MRNIP: variants seen among roughly 807,000 people sequenced by gnomAD.
MRNIP encodes MRN complex interacting protein.
A neutral mutation model predicts 29.8 loss-of-function variants in MRNIP; 30 were observed. The ratio of observed to expected loss-of-function variants is 1.01; its 90% CI spans 0.75 to 1.36. MRNIP has a LOEUF of 1.36. Ranked by LOEUF, MRNIP falls within the 40% of genes most tolerant of loss-of-function variation. MRNIP has a pLI of 0.00. For synonymous variants in MRNIP, 201 were observed against 164.1 expected (o/e 1.23, Z -1.72); for missense variants, 459 against 423.5 (o/e 1.08, Z -0.74).
chr5:179,844,551 T>C lies in MRNIP; in HGVS notation c.216-324A>G, dbSNP rs753157308. The stretch of plus-strand genomic sequence containing the variant: ...GATCCTCCCACCTCAGCCTCCTGAG[T>C]ATCTGGGACCACAGGCACGCACCAC... On this transcript the variant is annotated intron_variant, in intron 3 of 6. Transcript: ENST00000292586. Among the ~76,000 whole-genome samples the C allele has an allele frequency of 2.2e-4, 33 of 152,042 alleles. 1 individual carries two copies. The highest frequency in any genetic ancestry group is 2.6e-4 in the Non-Finnish European group (18 of 68,010).
At chr5:179,858,060 G>A (rs916849348) in intron 1 of MRNIP, among the ~76,000 whole-genome samples, 4 of 151,550 alleles carry the variant, frequency 2.6e-5, no homozygotes, top group Non-Finnish European at 5.9e-5. Flanking sequence ...CTTTCTCAGG[G>A]CATAGCAGAT....
chr5:179,838,021 C>G lies in MRNIP; in HGVS notation c.538-136G>C, dbSNP rs1399331692. The G allele has an allele frequency of 1.4e-5, 11 of 812,610 alleles. 1 individual carries two copies. The highest frequency in any genetic ancestry group is 1.2e-4 in the Admixed American group (4 of 34,690). 50.3% of individuals were successfully genotyped at this position (812,610 alleles called of 1,614,324 possible). On this transcript the variant is annotated intron_variant, in intron 6 of 6. Coordinates refer to ENST00000292586, the MANE Select transcript of MRNIP (RefSeq NM_016175.4). ...CTGGAAGCTGTCAGGCTGGGACAGG[C>G]TTTGATTTTGAGGGTTAGCAAGACA...
intron 2 of MRNIP, among the ~76,000 whole-genome samples, chr5:179,852,282 T>C (rs1759405677): frequency 6.7e-6 from 1 of 148,976 alleles, no homozygotes; most frequent in African/African-American, 2.5e-5. Flanking sequence ...AGAGACTCCA[T>C]GTCAAAAAAA....
In MRNIP at chr5:179,837,620, C is replaced by T; in HGVS notation, c.803G>A (p.Arg268Lys). Reference protein sequence around the residue: ...GPAQAKQGTPRAQASREGLSR... With the variant: ...GPAQAKQGTPKAQASREGLSR... The stretch of plus-strand genomic sequence containing the variant: ...GAGGCCTTCTCTTGAGGCCTGTGCT[C>T]TGGGGGTCCCTTGCTTAGCCTGTGC... Residue 268 changes from arginine to lysine, a missense_variant, in exon 7 of 7, where the codon AGA becomes AAA. By Grantham distance (26) the Arg-to-Lys change is conservative. Transcript: ENST00000292586. 3 of 1,614,218 alleles carry T rather than the reference C, an allele frequency of 1.9e-6. No homozygotes were observed. The highest frequency in any genetic ancestry group is 1.6e-4 in the Middle Eastern group (1 of 6,062).
At chr5:179,837,957 C>G in intron 6 of MRNIP, 72 bp from the exon 7 acceptor site, 1 of 1,457,640 alleles carries the variant, frequency 6.9e-7, no homozygotes, top group Non-Finnish European at 9.3e-7. Context: ...GCCTGCCCTG[C>G]CTGGGCCTTG....
chr5:179,848,131 T>C (rs981981835), intron 2 of MRNIP, 65 bp from the exon 3 acceptor site: 7 of 1,217,808 alleles, frequency 5.7e-6, no homozygotes, highest in Admixed American at 3.4e-5. Context: ...ACAGATCCAT[T>C]TGAGATGCAC....
intron 6 of MRNIP, chr5:179,840,163 CT>C (rs1390940738): frequency 6.6e-6 from 1 of 152,310 alleles, no homozygotes; most frequent in Non-Finnish European, 1.5e-5. Context: ...TGGTCTCAGA[CT>C]CCTGACCTCA....
At chr5:179,842,628 A>T (rs1758933689) in intron 4 of MRNIP, among the ~76,000 whole-genome samples, 1 of 126,924 alleles carries the variant, frequency 7.9e-6, no homozygotes, top group Non-Finnish European at 1.6e-5. Context: ...TGAACCCGGG[A>T]GGCGGGGCCT....
chr5:179,840,558 T>TG (rs779204385), intron 6 of MRNIP: 1 of 499,538 alleles, frequency 2.0e-6, no homozygotes, highest in Non-Finnish European at 3.5e-6. Context: ...AAGGTCCCCG[T>TG]GCTCCACGCA....
chr5:179,844,187 C>T lies in MRNIP; in HGVS notation c.256G>A (p.Val86Met), dbSNP rs758236790. Residue 86 changes from valine (V) to methionine (M), a missense_variant, in exon 4 of 7, where the codon GTG (valine) becomes ATG (methionine). Transcript: ENST00000292586. Reference sequence around the variant, plus strand: ...ACATTCCCAGCCTGCTGGTGTCCCACGTTTTCTTCTTCACTGGCACTGACA... The same window carrying T: ...ACATTCCCAGCCTGCTGGTGTCCCATGTTTTCTTCTTCACTGGCACTGACA... ...ETVSASEEENVGHQQAGNVKQ... is the reference protein window; with the variant it reads ...ETVSASEEENMGHQQAGNVKQ... The T allele has an allele frequency of 3.0e-5, 48 of 1,614,156 alleles. No individual in the cohort carries two copies. The highest frequency in any genetic ancestry group is 3.7e-5 in the Non-Finnish European group (44 of 1,180,010).
chr5:179,843,034 G>GGAGGAAGGAA (rs1758964504), intron 4 of MRNIP, among the ~76,000 whole-genome samples: 1 of 102,794 alleles, frequency 9.7e-6, no homozygotes, highest in Admixed American at 1.0e-4. Context: ...TCTGTCGAAA[G>GGAGGAAGGAA]GAGGAAAGAA....
intron 2 of MRNIP, chr5:179,853,109 T>C (rs915441161): frequency 2.4e-6 from 2 of 824,232 alleles, no homozygotes; most frequent in African/African-American, 1.7e-5. Flanking sequence ...AGAATGACAA[T>C]GGGCTTACTT....
intron 6 of MRNIP, 189 bp from the exon 7 acceptor site, chr5:179,838,074 G>A (rs958408949): frequency 5.3e-5 from 32 of 603,896 alleles, no homozygotes; most frequent in South Asian, 1.0e-4. Context: ...CCACCTCACC[G>A]CAAACCTTCT....
chr5:179,856,779 C>T (rs1319511261), intron 1 of MRNIP, among the ~76,000 whole-genome samples: 1 of 152,138 alleles, frequency 6.6e-6, no homozygotes, highest in African/African-American at 2.4e-5. Context: ...AAGCAACTCA[C>T]ATTTCATAAG....
chr5:179,843,883 G>A (rs1759016045), intron 4 of MRNIP, among the ~76,000 whole-genome samples: 1 of 152,180 alleles, frequency 6.6e-6, no homozygotes, highest in Admixed American at 6.5e-5. Flanking sequence ...AGCAGTATAA[G>A]GTGATATTTG....
At chr5:179,837,934 GC>G in intron 6 of MRNIP, 49 bp from the exon 7 acceptor site, 5 of 1,557,700 alleles carry the variant, frequency 3.2e-6, no homozygotes, top group Non-Finnish European at 4.3e-6. Flanking sequence ...CAATGCCAGG[GC>G]CCAGGAGGAC....
At chr5:179,844,370 C>T (rs545872734) in intron 3 of MRNIP, 143 bp from the exon 4 acceptor site, 18 of 643,940 alleles carry the variant, frequency 2.8e-5, no homozygotes, top group African/African-American at 1.4e-4. Context: ...CTGACGAACA[C>T]GGTGGTGCAT....
intron 1 of MRNIP, among the ~76,000 whole-genome samples, chr5:179,856,446 G>A (rs184262805): frequency 6.6e-6 from 1 of 152,018 alleles, no homozygotes; most frequent in Non-Finnish European, 1.5e-5. Context: ...GTACATAGCC[G>A]ACTTGCCGTC....
intron 5 of MRNIP, chr5:179,841,534 A>C: frequency 4.7e-6 from 1 of 212,092 alleles, no homozygotes; most frequent in Non-Finnish European, 9.3e-6. Flanking sequence ...TCTCACTGAA[A>C]TGCCTGAAGC....
Sources: allele counts gnomAD v4.1 joint callset (sites outside exome capture counted in the v4.1 genomes callset), GRCh38; gene constraint gnomAD v4.1.1; transcripts MANE v1.5; gene names NCBI Gene and HGNC (gene_info 2026-07-23, HGNC 2026-07-21).